The following NRXN3 variants were observed in gnomAD, a reference collection of about 807,000 sequenced individuals.
NRXN3 encodes the protein neurexin III.
In NRXN3, 32 loss-of-function variants were observed where a neutral mutation model predicts 137.6. That is an observed-to-expected ratio of 0.23 (90% CI 0.18 to 0.31). The LOEUF (loss-of-function observed/expected upper bound fraction) is 0.31, where lower values mean the gene tolerates loss of function less well. Ranked by LOEUF, NRXN3 falls within the 10% of genes least tolerant of loss-of-function variation. NRXN3 has a pLI of 1.00. For synonymous variants in NRXN3, 798 were observed against 784.5 expected (o/e 1.02, Z -0.29); for missense variants, 1,574 against 2,062.5 (o/e 0.76, Z 4.59).
At chr14:78,698,196 G>A (rs1466915910) in intron 6 of NRXN3, 1 of 152,070 alleles carries the variant, frequency 6.6e-6, no homozygotes, top group Non-Finnish European at 1.5e-5. Context: ...GCATGGTTCT[G>A]AACTAACTGC....
At chr14:78,366,086 T>C (rs2085896288) in intron 4 of NRXN3, among the ~76,000 whole-genome samples, 1 of 152,136 alleles carries the variant, frequency 6.6e-6, no homozygotes, top group Admixed American at 6.6e-5. Flanking sequence ...CCTCTGTAAA[T>C]GGGGATAATG....
chr14:78,310,068 T>C (rs1478207261), intron 4 of NRXN3, among the ~76,000 whole-genome samples: 1 of 152,110 alleles, frequency 6.6e-6, no homozygotes, highest in African/African-American at 2.4e-5. Context: ...GATATCCATA[T>C]AGTGAGCATA....
chr14:79,811,247 A>T (rs537810355), intron 20 of NRXN3, among the ~76,000 whole-genome samples: 1 of 152,376 alleles, frequency 6.6e-6, no homozygotes, highest in Admixed American at 6.5e-5. Context: ...CACTTTGACC[A>T]AAGAGATAAT....
In NRXN3 at chr14:78,698,972, C is replaced by T. The variant is rs139670935; in HGVS notation, c.1222-10245C>T. ...AGACTTAAAGGCATCAGGAAGTAGCCCTTGTGATTTTCCTTGCTCTTCTTC... is the reference window on the plus strand; with the variant it reads ...AGACTTAAAGGCATCAGGAAGTAGCTCTTGTGATTTTCCTTGCTCTTCTTC... On this transcript the variant is annotated intron_variant, in intron 6 of 20. Transcript: ENST00000335750. 9.1e-3 allele frequency among the ~76,000 whole-genome samples: 1,390 copies of T among 151,958 alleles called. 24 individuals carry two copies. The highest frequency in any genetic ancestry group is 0.015 in the Non-Finnish European group (1,028 of 67,944).
At chr14:79,284,343 CATATAT>C (rs60596302) in intron 15 of NRXN3, among the ~76,000 whole-genome samples, 5,405 of 64,886 alleles carry the variant, frequency 0.083, 194 homozygotes, top group East Asian at 0.2. Context: ...ACTAAAAATA[CATATAT>C]ATATATATAT....
chr14:79,190,239 G>A (rs1568550772), intron 15 of NRXN3, among the ~76,000 whole-genome samples: 1 of 151,948 alleles, frequency 6.6e-6, no homozygotes, highest in South Asian at 2.1e-4. Flanking sequence ...TCATCATCAG[G>A]CTATTCTTGA....
chr14:79,805,242 A>C, intron 20 of NRXN3, 52 bp downstream of exon 20: 5 of 1,264,152 alleles, frequency 4.0e-6, no homozygotes, highest in Non-Finnish European at 4.6e-6. Context: ...TTTGCAAAAA[A>C]CAATACATAC....
At chr14:78,573,586 G>C (rs2152324790) in intron 4 of NRXN3, among the ~76,000 whole-genome samples, 1 of 152,302 alleles carries the variant, frequency 6.6e-6, no homozygotes, top group Non-Finnish European at 1.5e-5. Flanking sequence ...GAACTTGAGA[G>C]AGATGATTTA....
intron 17 of NRXN3, among the ~76,000 whole-genome samples, chr14:79,684,242 G>A (rs1223720060): frequency 6.6e-6 from 1 of 152,132 alleles, no homozygotes; most frequent in Non-Finnish European, 1.5e-5. Context: ...CGTTCATAAA[G>A]TATGTTGTAT....
At chr14:79,452,237 G>A (rs145718135) in intron 15 of NRXN3, among the ~76,000 whole-genome samples, 89 of 152,156 alleles carry the variant, frequency 5.8e-4, no homozygotes, top group African/African-American at 2.1e-3. Context: ...GAGAAGTACT[G>A]TATTAATTTA....
At chr14:79,695,270 GAGATA>G (rs2098731401) in intron 18 of NRXN3, among the ~76,000 whole-genome samples, 2 of 151,986 alleles carry the variant, frequency 1.3e-5, no homozygotes, top group Non-Finnish European at 2.9e-5. Context: ...CACCACTGGA[GAGATA>G]AGATGAGAAC....
At chr14:78,841,293 G>T (rs113363127) in intron 10 of NRXN3, among the ~76,000 whole-genome samples, 1,538 of 151,984 alleles carry the variant, frequency 0.01, 24 homozygotes, top group African/African-American at 0.028. Context: ...TGATGATGAT[G>T]ATTATTATTA....
Position 79,512,916 on chromosome 14 carries a change from G to A in NRXN3, c.3444+45514G>A, listed in dbSNP as rs370056590. ...GGTGGAGAGAATATTTATTGACTTA[G>A]GTATGTCTGTGATGATCTAATGAAA... On this transcript the variant is annotated intron_variant, in intron 16 of 20. Transcript: ENST00000335750. Among the ~76,000 whole-genome samples, 59 of 152,204 alleles carry A rather than the reference G, an allele frequency of 3.9e-4. No homozygotes were observed. In the South Asian group the frequency reaches 6.4e-3, roughly 17 times the overall value.
intron 1 of NRXN3, among the ~76,000 whole-genome samples, chr14:78,190,340 A>G (rs1199804773): frequency 2.0e-5 from 3 of 152,230 alleles, no homozygotes; most frequent in Non-Finnish European, 2.9e-5. Context: ...ACTAGAAAAC[A>G]ACAAAATTCA....
At chr14:78,646,295 A>G (rs2152582195) in intron 5 of NRXN3, among the ~76,000 whole-genome samples, 1 of 152,352 alleles carries the variant, frequency 6.6e-6, no homozygotes, top group Non-Finnish European at 1.5e-5. Flanking sequence ...TCAGTAAAAG[A>G]AAACCGTTTC....
Position 79,805,092 on chromosome 14 carries a change from T to G in NRXN3, c.4015-20T>G. ...TCTCTCTCTTCCCCTACCCCATTAT[T>G]TTCTCTTTGACATAAACAGCCAACA... On this transcript the variant is annotated intron_variant, in intron 19 of 20. Coordinates refer to ENST00000335750, the MANE Select transcript of NRXN3 (RefSeq NM_001330195.2). The G allele has an allele frequency of 6.3e-7, 1 of 1,582,816 alleles. No individual in the cohort carries two copies. Among genetic ancestry groups the G allele is most frequent in the Non-Finnish European group, 8.7e-7 (1 of 1,154,272 alleles).
At chr14:78,352,092 G>A (rs199516240) in intron 4 of NRXN3, among the ~76,000 whole-genome samples, 62 of 144,788 alleles carry the variant, frequency 4.3e-4, no homozygotes, top group Non-Finnish European at 3.0e-4. Context: ...TGTCTTAAAA[G>A]AAAAAAAAAA....
At chr14:78,858,647 A>G (rs1351994004) in intron 10 of NRXN3, among the ~76,000 whole-genome samples, 1 of 152,176 alleles carries the variant, frequency 6.6e-6, no homozygotes, top group Non-Finnish European at 1.5e-5. Context: ...TCTCACCCTG[A>G]CATTTGATCT....
intron 16 of NRXN3, among the ~76,000 whole-genome samples, chr14:79,533,592 T>G (rs2097187610): frequency 6.6e-6 from 1 of 152,158 alleles, no homozygotes; most frequent in Non-Finnish European, 1.5e-5. Context: ...CATATCCATG[T>G]AAGAGCATTT....
Sources: allele counts gnomAD v4.1 joint callset (sites outside exome capture counted in the v4.1 genomes callset), GRCh38; gene constraint gnomAD v4.1.1; transcripts MANE v1.5; gene names NCBI Gene and HGNC (gene_info 2026-07-23, HGNC 2026-07-21).